Variants in ZFC3H1 observed in about 807,000 individuals in gnomAD.
The protein encoded by ZFC3H1 is zinc finger C3H1 domain-containing protein.
A neutral mutation model predicts 243.7 loss-of-function variants in ZFC3H1; 71 were observed. The ratio of observed to expected loss-of-function variants is 0.29; its 90% CI spans 0.24 to 0.36. The LOEUF is 0.36. ZFC3H1 is among the 10% of genes least tolerant of loss of function. The pLI is 1.00. For synonymous variants in ZFC3H1, 838 were observed against 813.0 expected (o/e 1.03, Z -0.52); for missense variants, 1,966 against 2,317.1 (o/e 0.85, Z 3.11).
chr12:71,617,859 C>A (rs562527133), intron 27 of ZFC3H1, among the ~76,000 whole-genome samples: 1 of 152,234 alleles, frequency 6.6e-6, no homozygotes, highest in Admixed American at 6.5e-5. Context: ...GGGAAGGGCA[C>A]TAAAATCGCT....
At chr12:71,632,778 C>G in intron 14 of ZFC3H1, 108 bp downstream of exon 14, 1 of 1,466,950 alleles carries the variant, frequency 6.8e-7, no homozygotes, top group Middle Eastern at 1.8e-4. Context: ...TAATCTTAAT[C>G]TCTTGGAATT....
In ZFC3H1 at chr12:71,638,506, G is replaced by T; in HGVS notation, c.1637C>A (p.Pro546Gln). ...DSETSSPAPS[P>Q]VQPPFFSECS... ...TTCAGAGAAAAATGGCGGTTGCACT[G>T]GTGAAGGAGCTGTAAAAAAATTTTT... is the stretch of plus-strand genomic sequence containing the variant. Residue 546 changes from proline to glutamine, a missense_variant, in exon 7 of 35, where the codon CCA becomes CAA. Physicochemically the swap from Pro to Gln is moderately conservative, Grantham distance 76 (BLOSUM62 -1). Coordinates refer to ENST00000378743, the MANE Select transcript of ZFC3H1 (RefSeq NM_144982.5). 2 of 1,603,828 alleles carry T rather than the reference G, an allele frequency of 1.2e-6. No individual in the cohort carries two copies. Among genetic ancestry groups the T allele is most frequent in the Non-Finnish European group, 8.5e-7 (1 of 1,177,310 alleles).
At chr12:71,613,611 T>C in intron 30 of ZFC3H1, 176 bp from the exon 31 acceptor site, 1 of 489,602 alleles carries the variant, frequency 2.0e-6, no homozygotes, top group Non-Finnish European at 3.6e-6. Flanking sequence ...ACTTTCCAAA[T>C]ATGAATTAGG....
rs1880345660 is a variant in ZFC3H1 at position 71,632,410 on chromosome 12, A to G, written c.2922T>C (p.Tyr974=). ...MEKRRLQKLE[Y]EYALKIQKLK... The stretch of plus-strand genomic sequence containing the variant: ...ATTTTTGAATTTTCAGGGCATATTC[A>G]TATTCTAGCTTTTGTAACCGTCTTT... The change falls in exon 15 of 35, where the codon TAT becomes TAC. Residue 974 remains tyrosine, a synonymous_variant. Coordinates refer to ENST00000378743, the MANE Select transcript of ZFC3H1 (RefSeq NM_144982.5). 1 of 1,612,252 alleles carries G rather than the reference A, an allele frequency of 6.2e-7. No individual in the cohort carries two copies. The highest frequency in any genetic ancestry group is 8.5e-7 in the Non-Finnish European group (1 of 1,179,818).
chr12:71,662,484 T>G (rs1189526810), intron 1 of ZFC3H1, among the ~76,000 whole-genome samples: 3 of 145,740 alleles, frequency 2.1e-5, no homozygotes, highest in Non-Finnish European at 4.6e-5. Flanking sequence ...CAGAGTTGTT[T>G]TTTTTTTACC....
intron 22 of ZFC3H1, among the ~76,000 whole-genome samples, chr12:71,624,643 TA>T (rs1453750477): frequency 6.6e-6 from 1 of 152,298 alleles, no homozygotes; most frequent in Non-Finnish European, 1.5e-5. Flanking sequence ...TTGTGTTGCT[TA>T]GGTGTGTGAC....
chr12:71,631,887 C>T lies in ZFC3H1; in HGVS notation c.3361G>A (p.Glu1121Lys), dbSNP rs777681665. 46 of 1,609,040 alleles carry T rather than the reference C, an allele frequency of 2.9e-5. No individual in the cohort carries two copies. Among genetic ancestry groups the T allele is most frequent in the East Asian group, 1.1e-4 (5 of 44,810 alleles). The change falls in exon 16 of 35, where the codon GAG (glutamate) becomes AAG (lysine). Residue 1121 changes from glutamate to lysine, a missense_variant and splice_region_variant. Physicochemically the swap from Glu to Lys is moderately conservative, Grantham distance 56. Coordinates refer to ENST00000378743, the MANE Select transcript of ZFC3H1 (RefSeq NM_144982.5). Reference protein sequence around the residue: ...GITEKVLHGQEISVDVDFVTA... With the variant: ...GITEKVLHGQKISVDVDFVTA... ...ACAAAATCCACATCTACAGAAATCT[C>T]CTGCAAAAGAAAATAATAATTCTGT...
intron 22 of ZFC3H1, 121 bp from the exon 23 acceptor site, chr12:71,624,413 T>G (rs1880107214): frequency 9.3e-7 from 1 of 1,076,194 alleles, no homozygotes; most frequent in Non-Finnish European, 1.3e-6. Flanking sequence ...CAAAAAGGAT[T>G]ACTGTAAAAA....
At chr12:71,613,906 T>C (rs1482858571) in intron 30 of ZFC3H1, among the ~76,000 whole-genome samples, 3 of 152,094 alleles carry the variant, frequency 2.0e-5, no homozygotes, top group Admixed American at 6.6e-5. Flanking sequence ...AAATAAAACA[T>C]ATATATGTTT....
chr12:71,662,599 AC>A (rs1881213310), intron 1 of ZFC3H1, among the ~76,000 whole-genome samples: 1 of 151,900 alleles, frequency 6.6e-6, no homozygotes, highest in African/African-American at 2.4e-5. Flanking sequence ...ACAATTTTCA[AC>A]GTCAAACTGC....
intron 10 of ZFC3H1, 36 bp downstream of exon 10, chr12:71,635,407 G>T: frequency 6.5e-7 from 1 of 1,543,674 alleles, no homozygotes. Flanking sequence ...TCATCAAAAG[G>T]TCATCTTTCT....
rs1359922418 is a variant in ZFC3H1, at chr12:71,634,771, G to A, written c.2293C>T (p.Arg765Ter). Residue 765 changes from arginine to a stop codon, truncating the protein, a stop_gained, in exon 11 of 35, where the codon CGA (arginine) becomes TGA (stop). Coordinates refer to ENST00000378743, the MANE Select transcript of ZFC3H1 (RefSeq NM_144982.5). LOFTEE classifies it high-confidence loss of function. ...PKSEKENDPLRTPEALPEEKK... is the reference protein window; with the variant it reads ...PKSEKENDPL ...TCTTCAGGCAAAGCCTCCGGTGTTC[G>A]CAGAGGATCATTTTCTTTTTCAGAT... is the stretch of plus-strand genomic sequence containing the variant. The A allele has an allele frequency of 1.9e-6, 3 of 1,603,862 alleles. No individual in the cohort carries two copies. The highest frequency in any genetic ancestry group is 1.7e-6 in the Non-Finnish European group (2 of 1,176,138).
Position 71,615,199 on chromosome 12 carries a change from G to A in ZFC3H1, c.5255+7C>T. On this transcript the variant is annotated splice_region_variant and intron_variant, in intron 28 of 34. Transcript: ENST00000378743. ...TATGCAATATCTCTCCACAGTGGAT[G>A]TCTCACCAGTAAATCAGCCACAAAT... 3 of 1,590,428 alleles carry A rather than the reference G, an allele frequency of 1.9e-6. No individual in the cohort carries two copies. The highest frequency in any genetic ancestry group is 8.6e-7 in the Non-Finnish European group (1 of 1,160,354).
intron 2 of ZFC3H1, among the ~76,000 whole-genome samples, chr12:71,654,341 T>C (rs2137560195): frequency 6.6e-6 from 1 of 152,246 alleles, no homozygotes; most frequent in African/African-American, 2.4e-5. Flanking sequence ...CTCAGAAGGC[T>C]GAGGTGGGAG....
chr12:71,628,063 ACAGC>A (rs1880215114), intron 20 of ZFC3H1, 129 bp from the exon 21 acceptor site: 1 of 912,336 alleles, frequency 1.1e-6, no homozygotes, highest in African/African-American at 1.7e-5. Context: ...GTACTAGCTC[ACAGC>A]TTTAAGGTAG....
chr12:71,635,803 AT>A (rs1373831984), intron 9 of ZFC3H1, among the ~76,000 whole-genome samples: 1 of 152,172 alleles, frequency 6.6e-6, no homozygotes, highest in Non-Finnish European at 1.5e-5. Flanking sequence ...TCTCATTAAA[AT>A]TTTATTTTCA....
At position 71,614,641 on chromosome 12, in the gene ZFC3H1, T is replaced by G. The variant is rs11541286; in HGVS notation, c.5420A>C (p.Lys1807Thr). ...TCTATTCACTAAATCAGTAAAAAAT[T>G]TGAATTCTTGAACTTTGTTTCTGGA... Reference protein sequence around the residue: ...AGSRNKVQEFKFFTDLVNRCL... With the variant: ...AGSRNKVQEFTFFTDLVNRCL... The change falls in exon 30 of 35, where the codon AAA becomes ACA. Residue 1807 changes from lysine to threonine, a missense_variant. Around this residue, in one of 4 missense-constraint regions of ZFC3H1, gnomAD observed 1,383 missense variants for 1,723.7 expected, o/e 0.80. Transcript: ENST00000378743. 1.5e-5 allele frequency: 24 copies of G among 1,612,984 alleles called. No homozygotes were observed. The highest frequency in any genetic ancestry group is 1.5e-4 in the African/African-American group (11 of 74,864).
At chr12:71,661,600 G>A (rs1292054588) in intron 1 of ZFC3H1, among the ~76,000 whole-genome samples, 1 of 149,782 alleles carries the variant, frequency 6.7e-6, no homozygotes, top group South Asian at 2.1e-4. Context: ...TCCTGCCTCA[G>A]CCTCCCGGGT....
rs773963819 is a variant in ZFC3H1 at position 71,663,308 on chromosome 12, G to C, written c.303C>G (p.Pro101=). ...HASERGHLRG[P]SSYRPKEPFR... is the part of the protein sequence containing the mutation. ...ACGGTTCTTTGGGTCGGTAGCTGCTGGGTCCCCTGAGGTGGCCCCGCTCAG... is the reference window on the plus strand; with the variant it reads ...ACGGTTCTTTGGGTCGGTAGCTGCTCGGTCCCCTGAGGTGGCCCCGCTCAG... The change falls in exon 1 of 35, where the codon CCC becomes CCG. Residue 101 remains proline (P), a synonymous_variant. Transcript: ENST00000378743. 1 of 1,613,398 alleles carries C rather than the reference G, an allele frequency of 6.2e-7. No individual in the cohort carries two copies.
Sources: gnomAD v4.1 joint callset for allele counts (sites outside exome capture counted in the v4.1 genomes callset) on GRCh38, gnomAD v4.1.1 for gene constraint, gnomAD v4.1.1 regional missense constraint, MANE v1.5 for transcripts, NCBI Gene and HGNC (gene_info 2026-07-23, HGNC 2026-07-21) for gene names.